Variants in PPP2R2C observed in about 807,000 individuals in gnomAD.
The protein encoded by PPP2R2C is protein phosphatase 2, regulatory subunit B, gamma.
A neutral mutation model predicts 45.3 loss-of-function variants in PPP2R2C; 10 were observed. That is an observed-to-expected ratio of 0.22 (90% CI 0.14 to 0.37). The LOEUF (loss-of-function observed/expected upper bound fraction) is 0.37. PPP2R2C is among the 10% of genes least tolerant of loss of function. PPP2R2C has a pLI of 1.00. For synonymous variants in PPP2R2C, 257 were observed against 245.4 expected (o/e 1.05, Z -0.44); for missense variants, 308 against 619.7 (o/e 0.50, Z 5.34).
chr4:6,525,412 G>A (rs1237846166), intron 2 of PPP2R2C, among the ~76,000 whole-genome samples: 3 of 149,284 alleles, frequency 2.0e-5, no homozygotes, highest in Non-Finnish European at 4.5e-5. Context: ...CTCAAAATAA[G>A]TAAATAAATA....
chr4:6,388,967 G>A (rs1441968861), intron 1 of PPP2R2C, among the ~76,000 whole-genome samples: 1 of 151,964 alleles, frequency 6.6e-6, no homozygotes, highest in Admixed American at 6.6e-5. Flanking sequence ...CCAAGCCGGT[G>A]GCACTTGCTG....
chr4:6,491,307 G>A (rs1359975384), intron 2 of PPP2R2C, among the ~76,000 whole-genome samples: 2 of 152,200 alleles, frequency 1.3e-5, no homozygotes, highest in Non-Finnish European at 2.9e-5. Context: ...CCTGCATGAT[G>A]GTGGCACAGG....
chr4:6,515,951 C>A (rs2108809568), intron 2 of PPP2R2C, among the ~76,000 whole-genome samples: 1 of 152,342 alleles, frequency 6.6e-6, no homozygotes, highest in East Asian at 1.9e-4. Context: ...TCTGTCCTCA[C>A]AAGGAGTTCT....
intron 5 of PPP2R2C, chr4:6,349,525 C>A (rs1201940581): frequency 2.0e-6 from 2 of 985,308 alleles, no homozygotes; most frequent in Non-Finnish European, 2.4e-6. Context: ...TGAAATCCAT[C>A]TGCCCTCCCT....
At position 6,332,143 on chromosome 4, in the gene PPP2R2C, T is replaced by G. The variant is rs1419599675; in HGVS notation, c.960+1419A>C. Among the ~76,000 whole-genome samples the G allele has an allele frequency of 6.6e-6, 1 of 152,146 alleles. No individual in the cohort carries two copies. The highest frequency in any genetic ancestry group is 2.4e-5 in the African/African-American group (1 of 41,428). ...CATTCCACGTAGTTTCAGGGGTTCA[T>G]GGGCCTTTGCTGACCTCAGGGATGG... On this transcript the variant is annotated intron_variant, in intron 7 of 8. Coordinates refer to ENST00000382599, the MANE Select transcript of PPP2R2C (RefSeq NM_020416.4). This position sits in a 1 kb window ranked among gnomAD's most constrained non-coding sequence, Gnocchi z 4.9.
At chr4:6,338,699 G>A (rs1038501472) in intron 6 of PPP2R2C, among the ~76,000 whole-genome samples, 5 of 152,056 alleles carry the variant, frequency 3.3e-5, no homozygotes, top group East Asian at 1.9e-4. Flanking sequence ...CCCCTCTGCC[G>A]CACACTCCAG....
At chr4:6,394,768 G>A (rs115803230) in intron 1 of PPP2R2C, among the ~76,000 whole-genome samples, 1,591 of 152,346 alleles carry the variant, frequency 0.01, 36 homozygotes, top group African/African-American at 0.036. Flanking sequence ...TCTCTGCTGG[G>A]GCTACAGCCA....
At chr4:6,510,473 A>G (rs747855982) in intron 2 of PPP2R2C, among the ~76,000 whole-genome samples, 4 of 152,092 alleles carry the variant, frequency 2.6e-5, no homozygotes, top group Non-Finnish European at 5.9e-5. Flanking sequence ...TAACTTCTTC[A>G]TGGTGCTTAT....
chr4:6,418,705 G>A (rs1290735492), intron 1 of PPP2R2C, among the ~76,000 whole-genome samples: 1 of 152,206 alleles, frequency 6.6e-6, no homozygotes, highest in Non-Finnish European at 1.5e-5. Flanking sequence ...AAGGGACAAT[G>A]GTGTGTCATG....
intron 2 of PPP2R2C, among the ~76,000 whole-genome samples, chr4:6,483,366 G>T (rs971442940): frequency 6.6e-6 from 1 of 152,052 alleles, no homozygotes; most frequent in Non-Finnish European, 1.5e-5. Context: ...TTTCCAAAGT[G>T]GTTATATCAT....
At chr4:6,341,052 C>T (rs1462347116) in intron 6 of PPP2R2C, among the ~76,000 whole-genome samples, 1 of 152,218 alleles carries the variant, frequency 6.6e-6, no homozygotes, top group Non-Finnish European at 1.5e-5. Context: ...TTTAAATGAA[C>T]CCACTCAGGT....
At position 6,323,022 on chromosome 4, in the gene PPP2R2C, T is replaced by C. The variant is rs1018415995; in HGVS notation, c.*280A>G. 2.9e-6 allele frequency: 1 copy of C among 340,190 alleles called. No individual in the cohort carries two copies. Among genetic ancestry groups the C allele is most frequent in the Non-Finnish European group, 5.3e-6 (1 of 187,936 alleles). 21.1% of individuals were successfully genotyped at this position (340,190 alleles called of 1,614,324 possible). A position where few individuals can be genotyped will look rare whatever the true frequency, so the allele number is the denominator to read the frequency against. ...GGACGTGAATGAAAGAACCCTGAAC[T>C]GTAAGACTCCACAGTCATGTCCATT... On this transcript the variant is annotated 3_prime_UTR_variant, in exon 9 of 9. Transcript: ENST00000382599.
intron 1 of PPP2R2C, among the ~76,000 whole-genome samples, chr4:6,544,600 G>A (rs572417652): frequency 6.6e-5 from 10 of 152,246 alleles, no homozygotes; most frequent in African/African-American, 2.2e-4. Context: ...GCCTCCCAAC[G>A]TGCTGGGATT....
At chr4:6,511,237 CCGCTGGTGA>C (rs879738261) in intron 2 of PPP2R2C, among the ~76,000 whole-genome samples, 11,523 of 145,828 alleles carry the variant, frequency 0.079, 812 homozygotes, top group African/African-American at 0.2. Flanking sequence ...GTTAGTCGTT[CCGCTGGTGA>C]TGCTGATGCT....
intron 1 of PPP2R2C, among the ~76,000 whole-genome samples, chr4:6,440,244 G>A (rs117647415): frequency 0.011 from 1,723 of 152,378 alleles, 15 homozygotes; most frequent in East Asian, 0.029. Flanking sequence ...GGATGCGTGC[G>A]CAGATGGACA....
At chr4:6,456,895 C>T (rs888323895) in intron 1 of PPP2R2C, among the ~76,000 whole-genome samples, 4 of 152,158 alleles carry the variant, frequency 2.6e-5, no homozygotes, top group Non-Finnish European at 5.9e-5. Context: ...CCTTGCTGTA[C>T]GGGTGGTGTG....
chr4:6,515,985 T>C (rs1039317634), intron 2 of PPP2R2C, among the ~76,000 whole-genome samples: 1 of 152,188 alleles, frequency 6.6e-6, no homozygotes, highest in Non-Finnish European at 1.5e-5. Flanking sequence ...TTGTGTCTCC[T>C]CTCCTCTTAT....
chr4:6,376,742 C>T (rs1017142274), intron 3 of PPP2R2C, among the ~76,000 whole-genome samples: 1 of 152,210 alleles, frequency 6.6e-6, no homozygotes, highest in Non-Finnish European at 1.5e-5. Context: ...GCATGAGCCA[C>T]CGCATGTGGC....
intron 6 of PPP2R2C, among the ~76,000 whole-genome samples, chr4:6,337,110 GTGTATATATATA>G (rs1360179383): frequency 0.023 from 962 of 41,492 alleles, 54 homozygotes; most frequent in Non-Finnish European, 0.026. Flanking sequence ...GTATGTGTGT[GTGTATATATATA>G]TATATATATA....
Sources: gnomAD v4.1 joint callset for allele counts (sites outside exome capture counted in the v4.1 genomes callset) on GRCh38, gnomAD v4.1.1 for gene constraint, Gnocchi (gnomAD v3.1) non-coding constraint, MANE v1.5 for transcripts, NCBI Gene and HGNC (gene_info 2026-07-23, HGNC 2026-07-21) for gene names.